Variants in RIF1 observed in about 807,000 individuals in gnomAD.
RIF1 encodes the protein telomere-associated protein RIF1.
In RIF1, 45 loss-of-function variants were observed where a neutral mutation model predicts 247.1. The ratio of observed to expected loss-of-function variants is 0.18; its 90% CI spans 0.14 to 0.23. The LOEUF is 0.23. Among genes scored for constraint, RIF1 ranks in the 10% least tolerant of loss-of-function variants. RIF1 has a pLI of 1.00. For missense variants in RIF1, 2,967 were observed against 2,862.5 expected, an observed-to-expected ratio of 1.04 and a Z score of -0.83; for synonymous variants, 1,087 against 978.8, an observed-to-expected ratio of 1.11 and a Z score of -2.06.
chr2:151,508,307 C>T (rs1185729291), downstream of RIF1, among the ~76,000 whole-genome samples: 1 of 152,106 alleles, frequency 6.6e-6, no homozygotes, highest in Non-Finnish European at 1.5e-5. Flanking sequence ...TTTTTCTTTC[C>T]AGGAAAGCTA....
chr2:151,459,574 G>C (rs181150141), intron 25 of RIF1, among the ~76,000 whole-genome samples: 70 of 152,210 alleles, frequency 4.6e-4, no homozygotes, highest in Middle Eastern at 3.4e-3. Context: ...AGTGGAATGT[G>C]GTCTGTAAAA....
chr2:151,497,672 G>C lies in RIF1; in HGVS notation c.*514-1673G>C, dbSNP rs1297487988. The C allele has an allele frequency of 1.9e-6, 3 of 1,586,434 alleles. No homozygotes were observed. Among genetic ancestry groups the C allele is most frequent in the Admixed American group, 3.6e-5 (2 of 56,076 alleles). ...GTGTTTGACTCTTTCCATCTCGGGA[G>C]TGACAGGTAAAGGGGTTCCCTTGCC... On this transcript the variant is annotated intron_variant and NMD_transcript_variant, in intron 10 of 13. Coordinates refer to the RIF1 transcript ENST00000454583.
At chr2:151,444,410 A>AG (rs1692883511) in intron 18 of RIF1, among the ~76,000 whole-genome samples, 1 of 152,162 alleles carries the variant, frequency 6.6e-6, no homozygotes, top group African/African-American at 2.4e-5. Context: ...CCCAGGTTGA[A>AG]GCGATTCTCC....
Position 151,468,082 on chromosome 2 carries a change from C to G in RIF1, c.6683C>G (p.Ser2228Cys), listed in dbSNP as rs749385315. The change falls in exon 31 of 36, where the codon TCC becomes TGC. Residue 2228 changes from serine to cysteine, a missense_variant. Around this residue, in one of 7 missense-constraint regions of RIF1, gnomAD observed 2,028 missense variants for 1,825.6 expected, o/e 1.11. Transcript: ENST00000444746. Reference protein sequence around the residue: ...DIDRRCSIVRSHSSNSSPIGK... With the variant: ...DIDRRCSIVRCHSSNSSPIGK... ...GATAGACGGTGCTCTATTGTTAGGT[C>G]CCATTCTTCCAATAGTTCTCCCATA... 6.2e-6 allele frequency: 10 copies of G among 1,613,138 alleles called. No individual in the cohort carries two copies. Among genetic ancestry groups the G allele is most frequent in the Non-Finnish European group, 8.5e-6 (10 of 1,179,306 alleles).
intron 30 of RIF1, 25 bp from the exon 31 acceptor site, chr2:151,467,975 G>C: frequency 6.4e-7 from 1 of 1,569,320 alleles, no homozygotes; most frequent in Non-Finnish European, 8.6e-7. Context: ...ATTTTGTTAA[G>C]TAAAATCCTG....
intron 21 of RIF1, among the ~76,000 whole-genome samples, chr2:151,452,591 G>C (rs1181413207): frequency 1.3e-5 from 2 of 152,156 alleles, no homozygotes; most frequent in Non-Finnish European, 2.9e-5. Context: ...AGAGCATCCC[G>C]GCCTGAGTGC....
At chr2:151,500,512 T>TA (rs1000232126) in intron 11 of RIF1, among the ~76,000 whole-genome samples, 14 of 149,320 alleles carry the variant, frequency 9.4e-5, no homozygotes, top group Middle Eastern at 3.5e-3. Context: ...ATTTGTATAT[T>TA]AAAAAAAAAT....
Position 151,456,578 on chromosome 2 carries a change from G to T in RIF1, c.2610G>T (p.Lys870Asn). 6.6e-7 allele frequency: 1 copy of T among 1,509,252 alleles called. No homozygotes were observed. The allele number at this position is 1,509,252 out of a possible 1,614,324, so 93.5% of individuals were successfully genotyped here. The change falls in exon 23 of 36, where the codon AAG becomes AAT. Residue 870 changes from lysine to asparagine, a missense_variant and splice_region_variant. Lys to Asn is a moderately conservative substitution (Grantham distance 94, BLOSUM62 0). Transcript: ENST00000444746. ...RPLALFYENS[K>N]LDEVPKVYSC... ...TGGTATTCTATTTTATCCTTCCTAGGCTTGATGAAGTTCCTAAAGTATATA... is the reference window on the plus strand; with the variant it reads ...TGGTATTCTATTTTATCCTTCCTAGTCTTGATGAAGTTCCTAAAGTATATA...
rs1232601951 is a variant in RIF1, at chr2:151,465,977, C to G, written c.6457C>G (p.Pro2153Ala). The change falls in exon 30 of 36, where the codon CCT (proline) becomes GCT (alanine). Residue 2153 changes from proline (P) to alanine (A), a missense_variant. Transcript: ENST00000444746. ...ASPQKLRELD[P>A]SLVSANDSPS... ...TCCTCAAAAACTAAGGGAACTTGAT[C>G]CTTCACTTGTGTCAGCAAATGACAG... 6 of 1,613,854 alleles carry G rather than the reference C, an allele frequency of 3.7e-6. No individual in the cohort carries two copies. Among genetic ancestry groups the G allele is most frequent in the Non-Finnish European group, 5.1e-6 (6 of 1,179,896 alleles).
Position 151,478,975 on chromosome 2 carries a change from T to C in RIF1, c.*3904T>C, listed in dbSNP as rs1287208534. The stretch of plus-strand genomic sequence containing the variant: ...GACCTTGTACTTTGTATAGAAACAT[T>C]AGAGTGAGGTTTTGATTTTTAACAT... On this transcript the variant is annotated 3_prime_UTR_variant, in exon 36 of 36. Transcript: ENST00000444746. The C allele has an allele frequency of 6.6e-6, 1 of 152,138 alleles. No individual in the cohort carries two copies. Among genetic ancestry groups the C allele is most frequent in the African/African-American group, 2.4e-5 (1 of 41,420 alleles). The allele number at this position is 152,138 out of a possible 1,614,324, so 9.4% of individuals were successfully genotyped here. A position where few individuals can be genotyped will look rare whatever the true frequency, so the allele number is the denominator to read the frequency against.
chr2:151,489,521 C>G (rs1388066692), intron 9 of RIF1, among the ~76,000 whole-genome samples: 1 of 152,164 alleles, frequency 6.6e-6, no homozygotes, highest in Non-Finnish European at 1.5e-5. Flanking sequence ...ACCTCAACTT[C>G]CTCAGTAGCT....
chr2:151,422,830 T>C (rs1688409603), intron 7 of RIF1, 120 bp from the exon 8 acceptor site: 3 of 603,022 alleles, frequency 5.0e-6, no homozygotes, highest in Non-Finnish European at 5.8e-6. Flanking sequence ...GGTGGGGTAA[T>C]ATTTTTATTA....
chr2:151,462,569 A>G, intron 29 of RIF1, 103 bp downstream of exon 29: 5 of 747,184 alleles, frequency 6.7e-6, no homozygotes, highest in Non-Finnish European at 1.1e-5. Context: ...TATTAATTTT[A>G]AAATTTATTG....
At chr2:151,513,424 A>G in the RIF1 span, among the ~76,000 whole-genome samples, 2 of 152,204 alleles carry the variant, frequency 1.3e-5, no homozygotes, top group African/African-American at 4.8e-5. Context: ...AGGGTCCTCC[A>G]TCCTTTCATT....
chr2:151,462,993 T>C lies in RIF1; in HGVS notation c.3473T>C (p.Leu1158Pro). Reference sequence around the variant, plus strand: ...CTTTCGAATAATGAGTGTGGTTCTCTTGACAAAACCAGTCCAGAAATGTCA... The same window carrying C: ...CTTTCGAATAATGAGTGTGGTTCTCCTGACAAAACCAGTCCAGAAATGTCA... ...SSLSNNECGS[L>P]DKTSPEMSNS... The change falls in exon 30 of 36, where the codon CTT becomes CCT. Residue 1158 changes from leucine to proline, a missense_variant. By Grantham distance (98) the Leu-to-Pro change is moderately conservative (BLOSUM62 -3). Around this residue, in one of 7 missense-constraint regions of RIF1, gnomAD observed 2,028 missense variants for 1,825.6 expected, o/e 1.11. Transcript: ENST00000444746. 1.2e-6 allele frequency: 2 copies of C among 1,614,058 alleles called. No individual in the cohort carries two copies. Among genetic ancestry groups the C allele is most frequent in the South Asian group, 1.1e-5 (1 of 91,082 alleles).
chr2:151,493,631 T>C (rs1483105047), intron 9 of RIF1: 6 of 747,004 alleles, frequency 8.0e-6, no homozygotes, highest in Non-Finnish European at 1.3e-5. Flanking sequence ...CCTCGTGGGG[T>C]TGGTTTGTTG....
intron 30 of RIF1, 117 bp downstream of exon 30, chr2:151,466,237 A>T (rs1009506047): frequency 4.6e-6 from 3 of 649,428 alleles, no homozygotes; most frequent in Admixed American, 2.7e-5. Flanking sequence ...TCATTTGATT[A>T]TTTACCATAA....
chr2:151,493,908 A>G (rs769772950), intron 9 of RIF1: 2 of 1,307,408 alleles, frequency 1.5e-6, no homozygotes, highest in South Asian at 1.4e-5. Flanking sequence ...ACTACGAGGT[A>G]ATAATCACTA....
In RIF1 at chr2:151,412,155, T is replaced by G. The variant is rs747815088; in HGVS notation, c.183+817T>G. Among the ~76,000 whole-genome samples, 7 of 152,240 alleles carry G rather than the reference T, an allele frequency of 4.6e-5. No individual in the cohort carries two copies. The South Asian group carries it at 8.3e-4, about 18-fold the overall frequency. On this transcript the variant is annotated intron_variant, in intron 3 of 35. Transcript: ENST00000444746. Reference sequence around the variant, plus strand: ...GATGTTTGACATCATACTGTGGACCTGTGTTCCTGTCTTCACTTGCCTACT... The same window carrying G: ...GATGTTTGACATCATACTGTGGACCGGTGTTCCTGTCTTCACTTGCCTACT...
Sources: allele counts gnomAD v4.1 joint callset (sites outside exome capture counted in the v4.1 genomes callset), GRCh38; gene constraint gnomAD v4.1.1; regional missense constraint gnomAD v4.1.1; transcripts MANE v1.5; gene names NCBI Gene and HGNC (gene_info 2026-07-23, HGNC 2026-07-21).